Variants in DHTKD1 observed in about 807,000 individuals in gnomAD.
The protein encoded by DHTKD1 is 2-oxoadipate dehydrogenase complex component E1.
Under a neutral mutation model 101.8 loss-of-function variants are expected in DHTKD1, and 78 were observed. The ratio of observed to expected loss-of-function variants is 0.77; its 90% CI spans 0.64 to 0.93. DHTKD1 has a LOEUF of 0.93. DHTKD1 is among the 40% of genes least tolerant of loss of function. The pLI is 0.00. For synonymous variants in DHTKD1, 462 were observed against 450.3 expected (o/e 1.03, Z -0.33); for missense variants, 1,223 against 1,161.7 (o/e 1.05, Z -0.77).
chr10:12,081,404 A>G, intron 1 of DHTKD1, 68 bp from the exon 2 acceptor site: 1 of 1,377,836 alleles, frequency 7.3e-7, no homozygotes, highest in Non-Finnish European at 1.0e-6. Context: ...CTTCTTTGAA[A>G]ATCTGATTTT....
intron 15 of DHTKD1, among the ~76,000 whole-genome samples, chr10:12,119,728 A>AT (rs1292076102): frequency 6.6e-6 from 1 of 152,150 alleles, no homozygotes; most frequent in East Asian, 1.9e-4. Context: ...TGCTGGGTTA[A>AT]TACCTAGGTG....
chr10:12,084,915 C>T (rs1177618525), intron 3 of DHTKD1, among the ~76,000 whole-genome samples, 164 bp downstream of exon 3: 2 of 151,874 alleles, frequency 1.3e-5, no homozygotes, highest in African/African-American at 4.8e-5. Context: ...GCCAGGCATG[C>T]TGGTGCATGC....
chr10:12,100,509 C>T (rs917485490), intron 9 of DHTKD1, among the ~76,000 whole-genome samples: 6 of 151,688 alleles, frequency 4.0e-5, no homozygotes, highest in East Asian at 1.9e-4. Flanking sequence ...GTGTTCCACC[C>T]GCCTCGGCCT....
intron 13 of DHTKD1, among the ~76,000 whole-genome samples, chr10:12,114,927 T>C (rs892054309): frequency 1.3e-5 from 2 of 150,714 alleles, no homozygotes; most frequent in South Asian, 2.1e-4. Flanking sequence ...TCCTGAGTAG[T>C]TGGGACCACA....
intron 1 of DHTKD1, among the ~76,000 whole-genome samples, chr10:12,079,752 A>G (rs1271254932): frequency 6.6e-6 from 1 of 152,230 alleles, no homozygotes; most frequent in East Asian, 1.9e-4. Flanking sequence ...AGCCACAAAT[A>G]TAAAGGTTTC....
intron 6 of DHTKD1, 132 bp downstream of exon 6, chr10:12,091,816 AT>A: frequency 1.5e-6 from 1 of 678,698 alleles, no homozygotes; most frequent in Non-Finnish European, 2.2e-6. Context: ...TAATTAATTA[AT>A]TTTTTGAGAT....
At chr10:12,119,535 G>A (rs1415109257) in intron 15 of DHTKD1, among the ~76,000 whole-genome samples, 4 of 147,536 alleles carry the variant, frequency 2.7e-5, no homozygotes, top group Admixed American at 6.9e-5. Flanking sequence ...AGAATGGCGT[G>A]AACCCGGGAG....
intron 1 of DHTKD1, among the ~76,000 whole-genome samples, chr10:12,076,411 G>T (rs1412600434): frequency 6.6e-6 from 1 of 151,982 alleles, no homozygotes. Flanking sequence ...AGGAGGCAGA[G>T]GTTGCAGTGA....
chr10:12,114,791 G>A (rs914690090), intron 13 of DHTKD1, among the ~76,000 whole-genome samples: 9 of 151,696 alleles, frequency 5.9e-5, no homozygotes, highest in African/African-American at 2.2e-4. Context: ...TGGTTGGTTG[G>A]TTGGTTGGTT....
chr10:12,095,203 A>T (rs979799080), intron 7 of DHTKD1, among the ~76,000 whole-genome samples: 1 of 152,210 alleles, frequency 6.6e-6, no homozygotes, highest in Non-Finnish European at 1.5e-5. Context: ...GATGGAAGCC[A>T]CTAGCCATCA....
intron 1 of DHTKD1, among the ~76,000 whole-genome samples, chr10:12,077,940 G>A (rs1185301470): frequency 6.6e-6 from 1 of 152,060 alleles, no homozygotes; most frequent in African/African-American, 2.4e-5. Flanking sequence ...CGAAGAAATG[G>A]TAGTCTGAGG....
At chr10:12,118,629 G>A (rs533455249) in intron 14 of DHTKD1, 120 bp from the exon 15 acceptor site, 117 of 590,132 alleles carry the variant, frequency 2.0e-4, no homozygotes, top group Admixed American at 6.8e-4. Context: ...TGATCCGCCC[G>A]CCTTGGCCTC....
At chr10:12,089,348 T>A in intron 5 of DHTKD1, 93 bp downstream of exon 5, 1 of 1,190,338 alleles carries the variant, frequency 8.4e-7, no homozygotes, top group Non-Finnish European at 1.2e-6. Context: ...CAGACATTCA[T>A]GATGAAACTG....
rs189780188 is a variant in DHTKD1 at position 12,117,603 on chromosome 10, C to T, written c.2320-70C>T. The stretch of plus-strand genomic sequence containing the variant: ...GAACTTTGGTACTCGTGTTTGATAG[C>T]GGCCCTTGTAAGTGACAGCATCACC... On this transcript the variant is annotated intron_variant, in intron 13 of 16. Coordinates refer to ENST00000263035, the MANE Select transcript of DHTKD1 (RefSeq NM_018706.7). 1.1e-3 allele frequency: 1,017 copies of T among 895,124 alleles called. 4 individuals are homozygous for T. Among genetic ancestry groups the T allele is most frequent in the Admixed American group, 2.9e-3 (155 of 52,994 alleles). The allele number at this position is 895,124 out of a possible 1,614,324, so 55.4% of individuals were successfully genotyped here. A position where few individuals can be genotyped will look rare whatever the true frequency, so the allele number is the denominator to read the frequency against.
At position 12,107,865 on chromosome 10, in the gene DHTKD1, C is replaced by G; in HGVS notation, c.2048-44C>G. 9.5e-6 allele frequency: 13 copies of G among 1,362,626 alleles called. No homozygotes were observed. The highest frequency in any genetic ancestry group is 1.3e-5 in the Non-Finnish European group (12 of 958,632). 84.4% of individuals were successfully genotyped at this position (1,362,626 alleles called of 1,614,324 possible). On this transcript the variant is annotated intron_variant, in intron 11 of 16. Transcript: ENST00000263035. The surrounding 1 kb of genome is among the most constrained non-coding windows in gnomAD (Gnocchi z 4.1). ...GCTGAGTCGTGTCAGGCCACTTTGT[C>G]CCCGCTTCGTAGAGCTCTTACTCCC...
At chr10:12,099,047 G>A (rs1833116435) in intron 8 of DHTKD1, among the ~76,000 whole-genome samples, 2 of 152,060 alleles carry the variant, frequency 1.3e-5, no homozygotes, top group African/African-American at 2.4e-5. Context: ...GCGCATGCCT[G>A]TAGTCTCAGC....
In DHTKD1 at chr10:12,110,425, C is replaced by T. The variant is rs1564397541; in HGVS notation, c.2154+2410C>T. 6.6e-6 allele frequency among the ~76,000 whole-genome samples: 1 copy of T among 151,932 alleles called. No individual in the cohort carries two copies. The highest frequency in any genetic ancestry group is 1.5e-5 in the Non-Finnish European group (1 of 67,996). ...TTATGTGTGGCACAAGACAATTCTT[C>T]TTCTTCCGGTGTGGCTCAGGTAAGC... On this transcript the variant is annotated intron_variant, in intron 12 of 16. Coordinates refer to ENST00000263035, the MANE Select transcript of DHTKD1 (RefSeq NM_018706.7). This position sits in a 1 kb window ranked among gnomAD's most constrained non-coding sequence, Gnocchi z 4.9.
chr10:12,120,482 C>T (rs572016827), intron 16 of DHTKD1: 192 of 518,380 alleles, frequency 3.7e-4, no homozygotes, highest in Middle Eastern at 1.7e-3. Flanking sequence ...TACAGGCGCC[C>T]GCCACCACAC....
Position 12,103,523 on chromosome 10 carries a change from G to GTA in DHTKD1, c.1896+2343_1896+2344insAT, listed in dbSNP as rs1564395704. 2.3e-4 allele frequency among the ~76,000 whole-genome samples: 34 copies of GTA among 150,096 alleles called. No homozygotes were observed. The highest frequency in any genetic ancestry group is 8.2e-4 in the African/African-American group (33 of 40,246). On this transcript the variant is annotated intron_variant, in intron 10 of 16. Coordinates refer to ENST00000263035, the MANE Select transcript of DHTKD1 (RefSeq NM_018706.7). This position sits in a 1 kb window ranked among gnomAD's most constrained non-coding sequence, Gnocchi z 4.8. ...TGTGTGTGTGTGTGTGTGTGTGTGT[G>GTA]TGTGTATGTATGTGACAGGTCCTCC... is the stretch of plus-strand genomic sequence containing the variant.
Sources: allele counts gnomAD v4.1 joint callset (sites outside exome capture counted in the v4.1 genomes callset), GRCh38; gene constraint gnomAD v4.1.1; non-coding constraint Gnocchi (gnomAD v3.1); transcripts MANE v1.5; gene names NCBI Gene and HGNC (gene_info 2026-07-23, HGNC 2026-07-21).